PKHD1: variants seen among roughly 807,000 people sequenced by gnomAD.
PKHD1 encodes the protein PKHD1 ciliary IPT domain containing fibrocystin/polyductin.
A neutral mutation model predicts 412.0 loss-of-function variants in PKHD1; 291 were observed. The ratio of observed to expected loss-of-function variants is 0.71; its 90% CI spans 0.64 to 0.78. PKHD1 has a LOEUF of 0.78. PKHD1 is among the 30% of genes least tolerant of loss of function. The pLI is 0.00. For synonymous variants in PKHD1, 1,777 were observed against 1,821.5 expected (o/e 0.98, Z 0.62); for missense variants, 4,825 against 4,950.7 (o/e 0.97, Z 0.76).
chr6:51,887,439 C>G (rs2127558079), intron 43 of PKHD1, among the ~76,000 whole-genome samples, 194 bp from the exon 44 acceptor site: 1 of 151,928 alleles, frequency 6.6e-6, no homozygotes, highest in South Asian at 2.1e-4. Flanking sequence ...TTGGATTTGT[C>G]CCCCTGCCCA....
intron 35 of PKHD1, among the ~76,000 whole-genome samples, chr6:52,009,217 G>C (rs1278115610): frequency 6.6e-6 from 1 of 152,184 alleles, no homozygotes; most frequent in Non-Finnish European, 1.5e-5. Context: ...TGAAGGGAAG[G>C]TCAAGGTGAG....
At chr6:51,682,920 A>G (rs1465798456) in intron 60 of PKHD1, among the ~76,000 whole-genome samples, 1 of 152,048 alleles carries the variant, frequency 6.6e-6, no homozygotes, top group Non-Finnish European at 1.5e-5. Context: ...TACCTAATAC[A>G]GGGAGAATAC....
chr6:51,811,861 G>T (rs1236106870), intron 52 of PKHD1, among the ~76,000 whole-genome samples: 1 of 151,974 alleles, frequency 6.6e-6, no homozygotes, highest in African/African-American at 2.4e-5. Flanking sequence ...AAAAAGAAAG[G>T]GCTAAATGGT....
chr6:52,049,451 A>G (rs1401624947), intron 22 of PKHD1, among the ~76,000 whole-genome samples: 1 of 152,250 alleles, frequency 6.6e-6, no homozygotes, highest in African/African-American at 2.4e-5. Flanking sequence ...GTGTATACAC[A>G]TATATACACT....
intron 7 of PKHD1, 36 bp downstream of exon 7, chr6:52,073,427 G>A: frequency 7.8e-7 from 1 of 1,279,612 alleles, no homozygotes; most frequent in South Asian, 1.2e-5. Context: ...CAGCATGTAT[G>A]TAACTAGTTA....
Position 52,069,514 on chromosome 6 carries a change from T to C in PKHD1, c.721A>G (p.Lys241Glu). 2.5e-6 allele frequency: 4 copies of C among 1,613,162 alleles called. No individual in the cohort carries two copies. Among genetic ancestry groups the C allele is most frequent in the Non-Finnish European group, 3.4e-6 (4 of 1,179,142 alleles). Residue 241 changes from lysine to glutamate, a missense_variant, in exon 11 of 67, where the codon AAG becomes GAG. Transcript: ENST00000371117. ...VFNKGKSMVH[K>E]KAWLISAKQD... ...TTAGCACTGATCAGCCATGCCTTCTTGTGGACCATTGACCTTCGAAAAAGA... is the reference window on the plus strand; with the variant it reads ...TTAGCACTGATCAGCCATGCCTTCTCGTGGACCATTGACCTTCGAAAAAGA...
intron 50 of PKHD1, among the ~76,000 whole-genome samples, chr6:51,839,095 A>G (rs1215627129): frequency 4.6e-5 from 7 of 152,212 alleles, no homozygotes; most frequent in Admixed American, 4.6e-4. Context: ...CAGAGTTGTA[A>G]GCAACTTAAC....
In PKHD1 at chr6:51,615,571, T is replaced by C. The variant is rs1234287582; in HGVS notation, c.*3510A>G. On this transcript the variant is annotated 3_prime_UTR_variant, in exon 67 of 67. Transcript: ENST00000371117. The stretch of plus-strand genomic sequence containing the variant: ...AATGCATGAATTTTAAATGACAGAA[T>C]TAATTAAAATTCTTTACTGTTATTG... 1 of 152,200 alleles carries C rather than the reference T, an allele frequency of 6.6e-6. No homozygotes were observed. Among genetic ancestry groups the C allele is most frequent in the Admixed American group, 6.6e-5 (1 of 15,266 alleles). 9.4% of individuals were successfully genotyped at this position (152,200 alleles called of 1,614,324 possible).
chr6:51,793,002 G>A (rs1238109349), intron 52 of PKHD1, among the ~76,000 whole-genome samples: 1 of 152,162 alleles, frequency 6.6e-6, no homozygotes, highest in Non-Finnish European at 1.5e-5. Context: ...CTTAAGTGAA[G>A]AGATCATTCT....
intron 55 of PKHD1, among the ~76,000 whole-genome samples, chr6:51,767,193 G>A (rs1225666263): frequency 6.6e-6 from 1 of 151,802 alleles, no homozygotes; most frequent in Non-Finnish European, 1.5e-5. Context: ...GCCAACAACA[G>A]ATTACTCATA....
intron 37 of PKHD1, among the ~76,000 whole-genome samples, chr6:51,928,017 G>C (rs959114739): frequency 1.3e-5 from 2 of 152,144 alleles, no homozygotes; most frequent in East Asian, 1.9e-4. Context: ...TATTCAGAGA[G>C]AGAGCAACAC....
intron 60 of PKHD1, among the ~76,000 whole-genome samples, chr6:51,678,015 T>C (rs1355848287): frequency 2.6e-5 from 4 of 152,162 alleles, no homozygotes; most frequent in Admixed American, 6.5e-5. Context: ...TTTTCGTTAT[T>C]TTGTTGTAAT....
At chr6:52,036,733 A>G (rs1215661145) in intron 27 of PKHD1, among the ~76,000 whole-genome samples, 3 of 152,236 alleles carry the variant, frequency 2.0e-5, no homozygotes, top group Non-Finnish European at 2.9e-5. Context: ...AAACTTCAAA[A>G]CAAAAATTAA....
chr6:51,789,572 T>G (rs924816695), intron 53 of PKHD1, among the ~76,000 whole-genome samples: 1 of 109,518 alleles, frequency 9.1e-6, no homozygotes, highest in Non-Finnish European at 2.0e-5. Flanking sequence ...CATGTGTATG[T>G]ATGTGTAAGA....
chr6:52,044,352 C>T (rs1805436913), intron 25 of PKHD1, among the ~76,000 whole-genome samples: 1 of 152,134 alleles, frequency 6.6e-6, no homozygotes, highest in Non-Finnish European at 1.5e-5. Flanking sequence ...TAATAGCATA[C>T]AGATTATATT....
intron 34 of PKHD1, among the ~76,000 whole-genome samples, chr6:52,015,004 A>G (rs1800344893): frequency 6.6e-6 from 1 of 152,204 alleles, no homozygotes; most frequent in Non-Finnish European, 1.5e-5. Flanking sequence ...ACCTAGAGAT[A>G]GGCACCATCA....
Position 52,025,381 on chromosome 6 carries a change from T to A in PKHD1, c.4429A>T (p.Thr1477Ser). The change falls in exon 32 of 67, where the codon ACT becomes TCT. Residue 1477 changes from threonine to serine, a missense_variant. Coordinates refer to ENST00000371117, the MANE Select transcript of PKHD1 (RefSeq NM_138694.4). Reference sequence around the variant, plus strand: ...CTTGCCTCTTCCCTTATGAAAAGAGTGCAATTCCCCTGACACTCGCTGGTT... The same window carrying A: ...CTTGCCTCTTCCCTTATGAAAAGAGAGCAATTCCCCTGACACTCGCTGGTT... ...GLTSECQGNCTLFIREEASPV... is the reference protein window; with the variant it reads ...GLTSECQGNCSLFIREEASPV... The A allele has an allele frequency of 6.2e-7, 1 of 1,612,022 alleles. No individual in the cohort carries two copies. Among genetic ancestry groups the A allele is most frequent in the Non-Finnish European group, 8.5e-7 (1 of 1,178,596 alleles).
chr6:51,891,332 T>G lies in PKHD1; in HGVS notation c.6997-4087A>C, dbSNP rs1474350179. On this transcript the variant is annotated intron_variant, in intron 43 of 66. Coordinates refer to ENST00000371117, the MANE Select transcript of PKHD1 (RefSeq NM_138694.4). The stretch of plus-strand genomic sequence containing the variant: ...TTCACTCTTGTTGCCCAGGCTGGAG[T>G]GCAATGGCACGATCTCGGCTCACCG... 2.6e-5 allele frequency among the ~76,000 whole-genome samples: 4 copies of G among 152,094 alleles called. No individual in the cohort carries two copies. In the South Asian group the frequency reaches 8.3e-4, roughly 32 times the overall value.
At position 51,976,344 on chromosome 6, in the gene PKHD1, T is replaced by C. The variant is rs185263486; in HGVS notation, c.5752-16318A>G. Reference sequence around the variant, plus strand: ...GGAAATTCTGACAAATGACACAGCATGGATAAATCTTAAGGACAATATTAT... The same window carrying C: ...GGAAATTCTGACAAATGACACAGCACGGATAAATCTTAAGGACAATATTAT... On this transcript the variant is annotated intron_variant, in intron 35 of 66. Transcript: ENST00000371117. Among the ~76,000 whole-genome samples, 31 of 152,360 alleles carry C rather than the reference T, an allele frequency of 2.0e-4. 1 individual carries two copies. In the East Asian group the frequency reaches 5.2e-3, roughly 26 times the overall value.
Sources: allele counts gnomAD v4.1 joint callset (sites outside exome capture counted in the v4.1 genomes callset), GRCh38; gene constraint gnomAD v4.1.1; transcripts MANE v1.5; gene names NCBI Gene and HGNC (gene_info 2026-07-23, HGNC 2026-07-21).